PCMT1: variants seen among roughly 807,000 people sequenced by gnomAD.
PCMT1 encodes protein-L-isoaspartate (D-aspartate) O-methyltransferase, also known as protein-L-isoaspartate(D-aspartate) O-methyltransferase.
Under a neutral mutation model 29.2 loss-of-function variants are expected in PCMT1, and 9 were observed. That is an observed-to-expected ratio of 0.31 (90% CI 0.19 to 0.54). PCMT1 has a LOEUF of 0.54. Ranked by LOEUF, PCMT1 falls within the 20% of genes least tolerant of loss-of-function variation. The pLI, the probability that PCMT1 is intolerant of heterozygous loss-of-function variation, is 0.95. For missense variants in PCMT1, 184 were observed against 282.2 expected (o/e 0.65, Z 2.49); for synonymous variants, 98 against 97.5 (o/e 1.00, Z -0.03).
chr6:149,774,705 CTTTT>C (rs35453827), intron 3 of PCMT1, among the ~76,000 whole-genome samples: 1 of 119,650 alleles, frequency 8.4e-6, no homozygotes, highest in Non-Finnish European at 1.7e-5. Context: ...ACCTGGCTAA[CTTTT>C]TTTTTTTTTT....
At chr6:149,805,451 G>A (rs996343640) in intron 7 of PCMT1, among the ~76,000 whole-genome samples, 12 of 151,376 alleles carry the variant, frequency 7.9e-5, no homozygotes, top group Admixed American at 2.6e-4. Context: ...AAAATTAGCC[G>A]GGCGTGGTGG....
chr6:149,806,325 G>A (rs1399961134), intron 7 of PCMT1, among the ~76,000 whole-genome samples: 3 of 152,156 alleles, frequency 2.0e-5, no homozygotes, highest in African/African-American at 7.2e-5. Context: ...ATTTCAGAAA[G>A]ATAACTCTAG....
chr6:149,753,194 C>A (rs369266556), intron 1 of PCMT1, among the ~76,000 whole-genome samples: 23 of 152,058 alleles, frequency 1.5e-4, no homozygotes, highest in Non-Finnish European at 3.1e-4. Context: ...TGCCTTCCTT[C>A]CTCATTATTC....
At chr6:149,794,727 G>A (rs1437222319) in intron 5 of PCMT1, 3 of 443,490 alleles carry the variant, frequency 6.8e-6, no homozygotes, top group Non-Finnish European at 9.0e-6. Flanking sequence ...CTTGGCCTTT[G>A]CCCTGATCCT....
At chr6:149,774,705 CTTTTTTT>C (rs35453827) in intron 3 of PCMT1, among the ~76,000 whole-genome samples, 4 of 119,664 alleles carry the variant, frequency 3.3e-5, no homozygotes, top group East Asian at 4.8e-4. Context: ...ACCTGGCTAA[CTTTTTTT>C]TTTTTTTTTT....
chr6:149,772,546 C>T (rs3805749), intron 2 of PCMT1: 169,991 of 446,184 alleles, frequency 0.38, 36,398 homozygotes, highest in East Asian at 0.81. Context: ...GAAATTCTTC[C>T]TTTCTTAGCT....
At chr6:149,799,904 ATTGG>A (rs753339981) in intron 6 of PCMT1, among the ~76,000 whole-genome samples, 429 of 152,308 alleles carry the variant, frequency 2.8e-3, no homozygotes, top group Middle Eastern at 0.01. Context: ...ATAAAAAATG[ATTGG>A]TTGGATTGGG....
intron 1 of PCMT1, among the ~76,000 whole-genome samples, chr6:149,761,082 CTA>C (rs548769385): frequency 6.0e-4 from 88 of 147,024 alleles, no homozygotes; most frequent in African/African-American, 2.1e-3. Context: ...ACTGATATAA[CTA>C]TATGAAGGAA....
intron 1 of PCMT1, among the ~76,000 whole-genome samples, chr6:149,753,764 T>A (rs1034463908): frequency 3.3e-5 from 5 of 152,240 alleles, no homozygotes; most frequent in Non-Finnish European, 5.9e-5. Context: ...TCATAGTTGA[T>A]GCATCATTTA....
At chr6:149,750,526 T>C (rs895457570) in intron 1 of PCMT1, among the ~76,000 whole-genome samples, 22 of 152,076 alleles carry the variant, frequency 1.4e-4, no homozygotes, top group Admixed American at 2.0e-4. Flanking sequence ...CCATTGCAGA[T>C]GCTGGGAGAA....
At chr6:149,792,898 C>T (rs781369547) in intron 4 of PCMT1, among the ~76,000 whole-genome samples, 7 of 152,070 alleles carry the variant, frequency 4.6e-5, no homozygotes, top group Non-Finnish European at 8.8e-5. Flanking sequence ...TGTGGTGGCT[C>T]AGTCCTGTAA....
intron 1 of PCMT1, among the ~76,000 whole-genome samples, chr6:149,757,018 G>A (rs1313524070): frequency 6.6e-6 from 1 of 152,034 alleles, no homozygotes; most frequent in Non-Finnish European, 1.5e-5. Flanking sequence ...AGCTGGGCAT[G>A]GTGACAGGAG....
chr6:149,773,636 C>T (rs1476030570), intron 3 of PCMT1, among the ~76,000 whole-genome samples: 1 of 152,304 alleles, frequency 6.6e-6, no homozygotes, highest in Middle Eastern at 3.4e-3. Context: ...GCCTCGGCCT[C>T]CCAAAGTGCT....
intron 4 of PCMT1, among the ~76,000 whole-genome samples, chr6:149,792,982 G>A (rs1463199385): frequency 6.6e-6 from 1 of 151,996 alleles, no homozygotes; most frequent in African/African-American, 2.4e-5. Context: ...CCAACGTGGT[G>A]AAACCCTGTC....
chr6:149,773,203 A>C, intron 3 of PCMT1, 34 bp downstream of exon 3: 1 of 1,534,894 alleles, frequency 6.5e-7, no homozygotes, highest in Non-Finnish European at 9.0e-7. Context: ...TTACAAATGG[A>C]TTACATTTTT....
At position 149,769,308 on chromosome 6, in the gene PCMT1, CTTT is replaced by C. The variant is rs372773939; in HGVS notation, c.56-1832_56-1830del. On this transcript the variant is annotated intron_variant, in intron 1 of 7. Transcript: ENST00000464889. ...AGTTAGCACCTATTTGTGCAGGATT[CTTT>C]TTTTTTTTTTTTTTTTTTTTTGAGA... Among the ~76,000 whole-genome samples the C allele has an allele frequency of 9.5e-4, 68 of 71,534 alleles. 1 individual carries two copies. The highest frequency in any genetic ancestry group is 7.3e-3 in the South Asian group (12 of 1,650). 46.9% of individuals were successfully genotyped at this position (71,534 alleles called of 152,430 possible). A position where few individuals can be genotyped will look rare whatever the true frequency, so the allele number is the denominator to read the frequency against.
At chr6:149,785,902 C>G (rs1282839684) in intron 3 of PCMT1, among the ~76,000 whole-genome samples, 7 of 152,094 alleles carry the variant, frequency 4.6e-5, no homozygotes, top group Non-Finnish European at 7.4e-5. Flanking sequence ...CATCCTGGCC[C>G]GTTCTCAATG....
At chr6:149,807,741 T>G (rs1776054991) in intron 7 of PCMT1, among the ~76,000 whole-genome samples, 1 of 152,204 alleles carries the variant, frequency 6.6e-6, no homozygotes, top group African/African-American at 2.4e-5. Flanking sequence ...CTGAGGAATG[T>G]TCAAGTTTAT....
intron 1 of PCMT1, among the ~76,000 whole-genome samples, chr6:149,766,219 A>T (rs891484539): frequency 1.3e-5 from 2 of 152,080 alleles, no homozygotes; most frequent in African/African-American, 4.8e-5. Context: ...TCCTTTGCCA[A>T]CATATCCCTG....
Sources: gnomAD v4.1 joint callset for allele counts (sites outside exome capture counted in the v4.1 genomes callset) on GRCh38, gnomAD v4.1.1 for gene constraint, MANE v1.5 for transcripts, NCBI Gene and HGNC (gene_info 2026-07-23, HGNC 2026-07-21) for gene names.